SLC25A27: variants seen among roughly 807,000 people sequenced by gnomAD.
SLC25A27 encodes the protein solute carrier family 25 member 27.
A neutral mutation model predicts 49.1 loss-of-function variants in SLC25A27; 35 were observed. The observed-to-expected ratio is 0.71, with a 90% CI of 0.54 to 0.95. The LOEUF (loss-of-function observed/expected upper bound fraction) is 0.95, where lower values mean the gene tolerates loss of function less well. Among genes scored for constraint, SLC25A27 ranks in the 40% least tolerant of loss-of-function variants. The pLI, the probability that SLC25A27 is intolerant of heterozygous loss-of-function variation, is 0.00. For missense variants in SLC25A27, 339 were observed against 397.1 expected, an observed-to-expected ratio of 0.85 and a Z score of 1.24; for synonymous variants, 144 against 136.9, an observed-to-expected ratio of 1.05 and a Z score of -0.36.
Position 46,676,723 on chromosome 6 carries a change from A to T in SLC25A27, c.*269A>T, listed in dbSNP as rs775376502. ...TCTAAAGAAGAATCGAAGCCTGACC[A>T]CTTTCACCTTGGGCAAGAAGGTTTG... is the stretch of plus-strand genomic sequence containing the variant. On this transcript the variant is annotated 3_prime_UTR_variant, in exon 9 of 9. Coordinates refer to ENST00000371347, the MANE Select transcript of SLC25A27 (RefSeq NM_004277.5). 9.8e-6 allele frequency: 15 copies of T among 1,536,880 alleles called. No homozygotes were observed. In the South Asian group the frequency reaches 1.2e-4, roughly 12 times the overall value.
rs759171669 is a variant in SLC25A27 at position 46,668,697 on chromosome 6, T to C, written c.620-12T>C. ...GTTGACTGATGAATATTTAAACTTT[T>C]TCCATTGCCAGATTTAACCACTTAT... is the stretch of plus-strand genomic sequence containing the variant. On this transcript the variant is annotated splice_polypyrimidine_tract_variant and intron_variant, in intron 5 of 8. Coordinates refer to ENST00000371347, the MANE Select transcript of SLC25A27 (RefSeq NM_004277.5). The C allele has an allele frequency of 6.5e-7, 1 of 1,536,856 alleles. No homozygotes were observed. Among genetic ancestry groups the C allele is most frequent in the Non-Finnish European group, 9.0e-7 (1 of 1,111,516 alleles).
chr6:46,654,752 A>G (rs1472386022), intron 1 of SLC25A27, among the ~76,000 whole-genome samples: 2 of 152,210 alleles, frequency 1.3e-5, no homozygotes, highest in Non-Finnish European at 2.9e-5. Flanking sequence ...TATTGCTTGA[A>G]GTCTATGCAA....
At chr6:46,653,374 C>A (rs1003754400) in intron 1 of SLC25A27, 76 bp downstream of exon 1, 2 of 1,496,382 alleles carry the variant, frequency 1.3e-6, no homozygotes, top group Non-Finnish European at 8.9e-7. Context: ...CGGGCGGCTT[C>A]GCGCCCGGCA....
Position 46,653,251 on chromosome 6 carries a change from C to G in SLC25A27, c.59C>G (p.Ala20Gly). 6.2e-7 allele frequency: 1 copy of G among 1,613,652 alleles called. No individual in the cohort carries two copies. The highest frequency in any genetic ancestry group is 8.5e-7 in the Non-Finnish European group (1 of 1,179,738). Residue 20 changes from alanine to glycine, a missense_variant, in exon 1 of 9, where the codon GCG (alanine) becomes GGG (glycine). Ala to Gly is a moderately conservative substitution (Grantham distance 60). Transcript: ENST00000371347. ...CCGCTGACCCAGAGATGGCCCCGAG[C>G]GAGCAAATTCCTACTGTCCGGCTGC... is the stretch of plus-strand genomic sequence containing the variant. ...LLPLTQRWPR[A>G]SKFLLSGCAA...
chr6:46,656,176 A>G (rs1762971501), intron 2 of SLC25A27, 142 bp downstream of exon 2: 2 of 594,486 alleles, frequency 3.4e-6, no homozygotes, highest in Non-Finnish European at 5.4e-6. Context: ...GTCTTTTTTT[A>G]TTATTATTTA....
chr6:46,655,924 G>A lies in SLC25A27; in HGVS notation c.188G>A (p.Arg63Lys), dbSNP rs757702440. Reference protein sequence around the residue: ...AALARLGDGARESAPYRGMVR... With the variant: ...AALARLGDGAKESAPYRGMVR... ...CTTGCTCGGTTGGGAGACGGTGCAA[G>A]AGAATCTGCCCCCTATAGGGGAATG... The change falls in exon 2 of 9, where the codon AGA becomes AAA. Residue 63 changes from arginine to lysine, a missense_variant. Coordinates refer to ENST00000371347, the MANE Select transcript of SLC25A27 (RefSeq NM_004277.5). 4 of 1,613,984 alleles carry A rather than the reference G, an allele frequency of 2.5e-6. No individual in the cohort carries two copies. The highest frequency in any genetic ancestry group is 2.2e-5 in the East Asian group (1 of 44,850).
intron 4 of SLC25A27, among the ~76,000 whole-genome samples, chr6:46,663,888 T>C (rs886889742): frequency 6.6e-6 from 1 of 152,202 alleles, no homozygotes; most frequent in Non-Finnish European, 1.5e-5. Context: ...AATCATATTA[T>C]ATACCTCACA....
chr6:46,656,332 C>G (rs1762977908), intron 2 of SLC25A27, among the ~76,000 whole-genome samples: 1 of 150,814 alleles, frequency 6.6e-6, no homozygotes, highest in Non-Finnish European at 1.5e-5. Flanking sequence ...AGGTGCACGC[C>G]ACCACACCCA....
At chr6:46,656,743 GA>G (rs538567125) in intron 2 of SLC25A27, among the ~76,000 whole-genome samples, 2 of 152,000 alleles carry the variant, frequency 1.3e-5, no homozygotes, top group Non-Finnish European at 2.9e-5. Context: ...CTCTTAAGAA[GA>G]AAAAAATTAA....
In SLC25A27 at chr6:46,658,977, G is replaced by A. The variant is rs769910678; in HGVS notation, c.314G>A (p.Arg105Gln). The change falls in exon 3 of 9, where the codon CGA (arginine) becomes CAA (glutamine). Residue 105 changes from arginine to glutamine, a missense_variant. Coordinates refer to ENST00000371347, the MANE Select transcript of SLC25A27 (RefSeq NM_004277.5). ...TTTTACCCAGTGTATTCTGGAGGTCGAATGGTCACATATGAACATCTCCGA... is the reference window on the plus strand; with the variant it reads ...TTTTACCCAGTGTATTCTGGAGGTCAAATGGTCACATATGAACATCTCCGA... ...IYRHVVYSGG[R>Q]MVTYEHLREV... is the part of the protein sequence containing the mutation. 6 of 1,612,924 alleles carry A rather than the reference G, an allele frequency of 3.7e-6. No individual in the cohort carries two copies. The highest frequency in any genetic ancestry group is 4.5e-5 in the East Asian group (2 of 44,866).
Position 46,662,439 on chromosome 6 carries a change from C to A in SLC25A27, c.447C>A (p.Asp149Glu). 6.2e-7 allele frequency: 1 copy of A among 1,613,624 alleles called. No homozygotes were observed. Among genetic ancestry groups the A allele is most frequent in the Non-Finnish European group, 8.5e-7 (1 of 1,179,644 alleles). The change falls in exon 4 of 9, where the codon GAC (aspartate) becomes GAA (glutamate). Residue 149 changes from aspartate to glutamate, a missense_variant. By Grantham distance (45) the Asp-to-Glu change is conservative (BLOSUM62 2). Transcript: ENST00000371347. The stretch of plus-strand genomic sequence containing the variant: ...GCCAGTTTTTAGCCAATCCAACTGA[C>A]CTAGTGAAGGTTCAGATGCAAATGG... ...VIGQFLANPT[D>E]LVKVQMQMEG...
At position 46,655,948 on chromosome 6, in the gene SLC25A27, T is replaced by G. The variant is rs1314889719; in HGVS notation, c.212T>G (p.Met71Arg). Residue 71 changes from methionine to arginine, a missense_variant, in exon 2 of 9, where the codon ATG becomes AGG. By Grantham distance (91) the Met-to-Arg change is moderately conservative. Transcript: ENST00000371347. ...GARESAPYRG[M>R]VRTALGIIEE... ...AGAGAATCTGCCCCCTATAGGGGAA[T>G]GGTGCGCACAGCTCTAGGGATCATT... 3.7e-6 allele frequency: 6 copies of G among 1,613,784 alleles called. No homozygotes were observed. The highest frequency in any genetic ancestry group is 1.7e-5 in the Admixed American group (1 of 59,978).
At position 46,665,780 on chromosome 6, in the gene SLC25A27, C is replaced by T. The variant is rs139957337; in HGVS notation, c.619+894C>T. ...ACACCACTAGCCTTCAAAACCTCTCCGCTGGACCACTGCCACAGCCATCTA... is the reference window on the plus strand; with the variant it reads ...ACACCACTAGCCTTCAAAACCTCTCTGCTGGACCACTGCCACAGCCATCTA... On this transcript the variant is annotated intron_variant, in intron 5 of 8. Transcript: ENST00000371347. Among the ~76,000 whole-genome samples, 174 of 152,300 alleles carry T rather than the reference C, an allele frequency of 1.1e-3. 3 individuals are homozygous for T. Among genetic ancestry groups the T allele is most frequent in the African/African-American group, 3.3e-3 (137 of 41,562 alleles).
intron 1 of SLC25A27, among the ~76,000 whole-genome samples, chr6:46,654,773 T>C (rs1762916843): frequency 1.3e-5 from 2 of 152,208 alleles, no homozygotes; most frequent in African/African-American, 4.8e-5. Context: ...GCTACTTCTG[T>C]TCTAGGGAAA....
At position 46,677,924 on chromosome 6, in the gene SLC25A27, C is replaced by T. The variant is rs1763855358; in HGVS notation, c.*1470C>T. The T allele has an allele frequency of 6.6e-6, 1 of 151,892 alleles. No individual in the cohort carries two copies. Among genetic ancestry groups the T allele is most frequent in the South Asian group, 2.1e-4 (1 of 4,804 alleles). The allele number at this position is 151,892 out of a possible 1,614,324, so 9.4% of individuals were successfully genotyped here. On this transcript the variant is annotated 3_prime_UTR_variant, in exon 9 of 9. Coordinates refer to ENST00000371347, the MANE Select transcript of SLC25A27 (RefSeq NM_004277.5). ...AATGTCATGTACTGATATGCAGTAG[C>T]TTATTGTTTTTCTAGTTGCAGAGAA...
intron 6 of SLC25A27, among the ~76,000 whole-genome samples, chr6:46,669,594 A>G (rs543268794): frequency 3.3e-5 from 5 of 152,300 alleles, no homozygotes; most frequent in Admixed American, 2.6e-4. Context: ...GTGCACGCGC[A>G]TGCACACACG....
At chr6:46,668,901 C>A (rs1763415888) in intron 6 of SLC25A27, 108 bp downstream of exon 6, 1 of 626,106 alleles carries the variant, frequency 1.6e-6, no homozygotes, top group Non-Finnish European at 2.9e-6. Context: ...ACTGGCATCA[C>A]CTTTAGAGAA....
intron 5 of SLC25A27, 22 bp from the exon 6 acceptor site, chr6:46,668,687 T>C: frequency 7.1e-7 from 1 of 1,417,756 alleles, no homozygotes; most frequent in Non-Finnish European, 1.0e-6. Flanking sequence ...CTGATGAATA[T>C]TTAAACTTTT....
Position 46,653,229 on chromosome 6 carries a change from C to T in SLC25A27, c.37C>T (p.Leu13=), listed in dbSNP as rs1370666399. ...GGAGGAGGAGGAGAGGCTTTTGCCG[C>T]TGACCCAGAGATGGCCCCGAGCGAG... ...VPEEEERLLP[L]TQRWPRASKF... is the part of the protein sequence containing the mutation. Residue 13 remains leucine (L), a synonymous_variant, in exon 1 of 9, where the codon CTG becomes TTG. Transcript: ENST00000371347. 5 of 1,613,734 alleles carry T rather than the reference C, an allele frequency of 3.1e-6. No individual in the cohort carries two copies. The South Asian group carries it at 5.5e-5, about 18-fold the overall frequency.
Sources: gnomAD v4.1 joint callset for allele counts (sites outside exome capture counted in the v4.1 genomes callset) on GRCh38, gnomAD v4.1.1 for gene constraint, MANE v1.5 for transcripts, NCBI Gene and HGNC (gene_info 2026-07-23, HGNC 2026-07-21) for gene names.